The following MASP1 variants were observed in gnomAD, a reference collection of about 807,000 sequenced individuals.
The protein encoded by MASP1 is mannan-binding lectin serine protease 1.
Under a neutral mutation model 77.1 loss-of-function variants are expected in MASP1, and 59 were observed. That is an observed-to-expected ratio of 0.77 (90% CI 0.62 to 0.95). MASP1 has a LOEUF of 0.95. Among genes scored for constraint, MASP1 ranks in the 40% least tolerant of loss-of-function variants. The probability of loss-of-function intolerance (pLI) is 0.00; values close to 1 mark genes in which losing one functional copy is unlikely to be tolerated. For synonymous variants in MASP1, 362 were observed against 354.5 expected (o/e 1.02, Z -0.24); for missense variants, 885 against 912.9 (o/e 0.97, Z 0.39).
intron 1 of MASP1, among the ~76,000 whole-genome samples, chr3:187,286,590 A>G (rs1163211593): frequency 2.6e-5 from 4 of 152,358 alleles, no homozygotes; most frequent in South Asian, 4.1e-4. Flanking sequence ...CCTCTTGGTA[A>G]AAGGATCAAA....
chr3:187,263,921 T>C (rs1214337766), intron 2 of MASP1, among the ~76,000 whole-genome samples: 1 of 152,220 alleles, frequency 6.6e-6, no homozygotes, highest in Non-Finnish European at 1.5e-5. Context: ...TTATACCTAA[T>C]CCAATTCTTT....
At chr3:187,224,233 A>G (rs761281170) in intron 13 of MASP1, among the ~76,000 whole-genome samples, 1 of 152,200 alleles carries the variant, frequency 6.6e-6, no homozygotes, top group Non-Finnish European at 1.5e-5. Context: ...ATGGGATAGC[A>G]TCTCCAGTTT....
rs529837175 is a variant in MASP1 at position 187,221,090 on chromosome 3, A to C, written c.1854T>G (p.Tyr618Ter). 12 of 1,614,070 alleles carry C rather than the reference A, an allele frequency of 7.4e-6. No individual in the cohort carries two copies. The highest frequency in any genetic ancestry group is 9.3e-6 in the Non-Finnish European group (11 of 1,180,026). Residue 618 changes from tyrosine (Y) to a stop codon, truncating the protein, a stop_gained, in exon 15 of 16, where the codon TAT becomes TAG. Coordinates refer to the MASP1 transcript ENST00000337774. LOFTEE classifies it high-confidence loss of function. The stretch of plus-strand genomic sequence containing the variant: ...TGGTCACTTTCTTCTTCAGCGGGGC[A>C]TAAGCCTTCTGGCAGGTGCTGTGGT...
At chr3:187,226,388 T>C in intron 12 of MASP1, 2 of 1,567,024 alleles carry the variant, frequency 1.3e-6, no homozygotes, top group Non-Finnish European at 1.7e-6. Context: ...GGGAGTCAGC[T>C]TGCCCCTCAC....
intron 4 of MASP1, 24 bp downstream of exon 4, chr3:187,260,717 C>A: frequency 6.2e-7 from 1 of 1,614,134 alleles, no homozygotes; most frequent in East Asian, 2.2e-5. Context: ...AAGGGCAATG[C>A]ATACAATCAT....
intron 12 of MASP1, chr3:187,226,257 G>C (rs1712420131): frequency 1.5e-6 from 1 of 678,558 alleles, no homozygotes; most frequent in African/African-American, 1.8e-5. Context: ...TCTTGCACTT[G>C]GACTCAGGTT....
chr3:187,222,995 G>A, intron 14 of MASP1: 1 of 755,718 alleles, frequency 1.3e-6, no homozygotes, highest in Non-Finnish European at 2.4e-6. Flanking sequence ...TTTGGAGGTG[G>A]GTCTGGGCTC....
intron 14 of MASP1, among the ~76,000 whole-genome samples, chr3:187,222,678 G>T (rs1712135154): frequency 6.9e-6 from 1 of 144,972 alleles, no homozygotes; most frequent in African/African-American, 2.7e-5. Context: ...TTTTAGTTAA[G>T]TGTTTTTTTT....
intron 11 of MASP1, among the ~76,000 whole-genome samples, chr3:187,228,903 G>C (rs1244007302): frequency 1.3e-5 from 2 of 152,188 alleles, no homozygotes; most frequent in Non-Finnish European, 2.9e-5. Context: ...CTGATGCCTT[G>C]CCAAAGGGAT....
chr3:187,238,537 T>C (rs923716747), intron 10 of MASP1, among the ~76,000 whole-genome samples: 2 of 152,192 alleles, frequency 1.3e-5, no homozygotes, highest in Admixed American at 6.5e-5. Flanking sequence ...TCTTGAAATG[T>C]TATAGCTTTG....
intron 2 of MASP1, among the ~76,000 whole-genome samples, chr3:187,278,685 AAAGCCTC>A (rs1717162665): frequency 6.6e-6 from 1 of 152,166 alleles, no homozygotes; most frequent in Non-Finnish European, 1.5e-5. Context: ...ACTGGGGCTT[AAAGCCTC>A]TGATTCCTCC....
In MASP1 at chr3:187,234,549, T is replaced by C. The variant is rs1345104003; in HGVS notation, c.*1135A>G. 2.3e-6 allele frequency: 3 copies of C among 1,287,242 alleles called. No individual in the cohort carries two copies. The highest frequency in any genetic ancestry group is 3.0e-6 in the Non-Finnish European group (3 of 988,694). 79.7% of individuals were successfully genotyped at this position (1,287,242 alleles called of 1,614,324 possible). On this transcript the variant is annotated 3_prime_UTR_variant, in exon 11 of 11. Transcript: ENST00000296280. Reference sequence around the variant, plus strand: ...CTAGAACCCAGGACTCCTGGCTCTTTTCACTGCCTGCCATGGGTGAGCCTC... The same window carrying C: ...CTAGAACCCAGGACTCCTGGCTCTTCTCACTGCCTGCCATGGGTGAGCCTC...
chr3:187,250,728 T>G (rs1714502995), intron 7 of MASP1, among the ~76,000 whole-genome samples: 1 of 152,190 alleles, frequency 6.6e-6, no homozygotes. Flanking sequence ...CCCAAGCATT[T>G]GCATTTCTAA....
chr3:187,243,095 C>A, intron 9 of MASP1: 1 of 310,826 alleles, frequency 3.2e-6, no homozygotes, highest in Non-Finnish European at 6.2e-6. Flanking sequence ...TTTTGGAAAC[C>A]CCAACTCAGC....
intron 14 of MASP1, among the ~76,000 whole-genome samples, chr3:187,221,592 G>A (rs1056552864): frequency 6.6e-6 from 1 of 152,146 alleles, no homozygotes; most frequent in Non-Finnish European, 1.5e-5. Flanking sequence ...TGCAGTATTT[G>A]ATATACTAAT....
chr3:187,220,492 C>CTT lies in MASP1; in HGVS notation c.1910-233_1910-232dup, dbSNP rs747532550. 1.2e-3 allele frequency among the ~76,000 whole-genome samples: 165 copies of CTT among 134,556 alleles called. 2 individuals are homozygous for CTT. The Middle Eastern group carries it at 0.019, about 15-fold the overall frequency. 88.3% of individuals were successfully genotyped at this position (134,556 alleles called of 152,430 possible). A position where few individuals can be genotyped will look rare whatever the true frequency, so the allele number is the denominator to read the frequency against. On this transcript the variant is annotated intron_variant, in intron 15 of 15. Transcript: ENST00000337774. ...TTCTTTTCTTTTCTTTTTCTTTTTT[C>CTT]TTTCTTTTTTTTTTTTTTTTTGAGA...
chr3:187,256,204 G>A (rs1211367108), intron 5 of MASP1, among the ~76,000 whole-genome samples: 1 of 151,996 alleles, frequency 6.6e-6, no homozygotes, highest in African/African-American at 2.4e-5. Context: ...GTGAGGTCTG[G>A]GGCAAAATGA....
intron 2 of MASP1, among the ~76,000 whole-genome samples, chr3:187,270,617 T>C (rs1716442576): frequency 6.6e-6 from 1 of 152,148 alleles, no homozygotes; most frequent in Admixed American, 6.5e-5. Flanking sequence ...GTCCCTATCC[T>C]TTTCATCCCT....
chr3:187,289,029 A>G (rs915491786), intron 1 of MASP1, among the ~76,000 whole-genome samples: 1 of 152,142 alleles, frequency 6.6e-6, no homozygotes, highest in African/African-American at 2.4e-5. Flanking sequence ...ATTCCTCGTC[A>G]CACTCTCTGA....
Sources: allele counts gnomAD v4.1 joint callset (sites outside exome capture counted in the v4.1 genomes callset), GRCh38; gene constraint gnomAD v4.1.1; transcripts MANE v1.5; gene names NCBI Gene and HGNC (gene_info 2026-07-23, HGNC 2026-07-21).